Variants in PVT1 observed in about 807,000 individuals in gnomAD.
The protein encoded by PVT1 is CXCR4/PVT1 fusion.
chr8:127,819,383 T>C (rs531067251), intron 2 of PVT1, among the ~76,000 whole-genome samples: 2 of 152,218 alleles, frequency 1.3e-5, no homozygotes, highest in Non-Finnish European at 2.9e-5. Context: ...ACTCTGCATC[T>C]GTATTCAACC....
intron 6 of PVT1, among the ~76,000 whole-genome samples, chr8:128,098,019 G>T (rs770411013): frequency 3.9e-4 from 59 of 152,114 alleles, no homozygotes; most frequent in Non-Finnish European, 8.2e-4. Context: ...TCCCTCTGAG[G>T]CTGGACACAT....
At chr8:127,924,241 T>C (rs1372485574) in intron 3 of PVT1, among the ~76,000 whole-genome samples, 3 of 152,202 alleles carry the variant, frequency 2.0e-5, no homozygotes, top group Non-Finnish European at 4.4e-5. Context: ...AGCAAACTTC[T>C]TCCTTTCTTT....
intron 3 of PVT1, among the ~76,000 whole-genome samples, chr8:127,926,679 A>G (rs1247892045): frequency 1.3e-5 from 2 of 152,044 alleles, no homozygotes; most frequent in Admixed American, 6.5e-5. Context: ...TCCCTGTTAA[A>G]TCACACAGAC....
At chr8:127,923,973 T>A (rs564391003) in intron 3 of PVT1, among the ~76,000 whole-genome samples, 48 of 152,348 alleles carry the variant, frequency 3.2e-4, no homozygotes, top group Admixed American at 1.7e-3. Context: ...GTTTAGGAAT[T>A]GCTCGGGGCA....
chr8:127,885,910 G>A (rs1305623366), intron 2 of PVT1, among the ~76,000 whole-genome samples: 1 of 151,998 alleles, frequency 6.6e-6, no homozygotes, highest in East Asian at 1.9e-4. Flanking sequence ...TCTTCCTCTT[G>A]GGTCTAAAAG....
intron 2 of PVT1, among the ~76,000 whole-genome samples, chr8:127,846,359 G>A (rs1211338908): frequency 3.3e-5 from 5 of 152,150 alleles, no homozygotes; most frequent in South Asian, 2.1e-4. Context: ...CACCTTTCCT[G>A]GTCTCCTCTC....
At chr8:127,923,334 G>T (rs1167340146) in intron 3 of PVT1, among the ~76,000 whole-genome samples, 1 of 152,254 alleles carries the variant, frequency 6.6e-6, no homozygotes, top group Non-Finnish European at 1.5e-5. Flanking sequence ...GTCAGAGCAG[G>T]TTCATGTCAC....
chr8:127,959,652 T>C (rs1279026809), intron 3 of PVT1, among the ~76,000 whole-genome samples: 2 of 146,996 alleles, frequency 1.4e-5, no homozygotes, highest in African/African-American at 5.0e-5. Context: ...TTATTGAAAC[T>C]CTTTAAGGAA....
chr8:128,027,557 C>A (rs2130065047), intron 4 of PVT1, among the ~76,000 whole-genome samples: 1 of 152,318 alleles, frequency 6.6e-6, no homozygotes, highest in South Asian at 2.1e-4. Flanking sequence ...GTCCCAGAGT[C>A]AGTGATGGAA....
At chr8:128,043,374 G>A (rs1042377494) in intron 4 of PVT1, among the ~76,000 whole-genome samples, 2 of 152,222 alleles carry the variant, frequency 1.3e-5, no homozygotes, top group African/African-American at 2.4e-5. Flanking sequence ...CTGGGGGTCA[G>A]GAGGTGAGGG....
intron 5 of PVT1, among the ~76,000 whole-genome samples, chr8:128,074,469 G>A (rs1418330753): frequency 1.3e-5 from 2 of 149,734 alleles, no homozygotes; most frequent in African/African-American, 4.9e-5. Context: ...GTTGCAGTGA[G>A]CCGAGATCAT....
chr8:128,062,883 C>A (rs1813849082), intron 4 of PVT1, among the ~76,000 whole-genome samples: 1 of 152,182 alleles, frequency 6.6e-6, no homozygotes, highest in Non-Finnish European at 1.5e-5. Flanking sequence ...AGCTAGGGAA[C>A]TTTCAGGCAG....
intron 5 of PVT1, among the ~76,000 whole-genome samples, chr8:128,078,275 G>A (rs548451587): frequency 7.9e-5 from 12 of 152,314 alleles, no homozygotes; most frequent in African/African-American, 2.6e-4. Context: ...TTGCTGGGTA[G>A]GCGAGTGAGT....
chr8:127,811,059 TAAG>T lies in PVT1; in HGVS notation n.372+14992_372+14994del, dbSNP rs201872244. Among the ~76,000 whole-genome samples the T allele has an allele frequency of 2.2e-4, 33 of 152,218 alleles. No homozygotes were observed. In the East Asian group the frequency reaches 6.2e-3, roughly 28 times the overall value. On this transcript the variant is annotated intron_variant and non_coding_transcript_variant, in intron 2 of 10. Transcript: ENST00000651587. Reference sequence around the variant, plus strand: ...ACCAGGCGGGCCTGATCAAATACAGTAAGAAGTGTCCGGATTGGCAAACCAGCG... The same window carrying T: ...ACCAGGCGGGCCTGATCAAATACAGTAAGTGTCCGGATTGGCAAACCAGCG...
intron 3 of PVT1, chr8:127,939,923 G>A (rs1224420496): frequency 1.3e-5 from 2 of 152,140 alleles, no homozygotes; most frequent in Non-Finnish European, 2.9e-5. Flanking sequence ...TCTAGTCTGA[G>A]GCATTGGGAT....
chr8:127,819,095 G>T (rs1274919371), intron 2 of PVT1, among the ~76,000 whole-genome samples: 5 of 152,192 alleles, frequency 3.3e-5, no homozygotes, highest in Non-Finnish European at 4.4e-5. Context: ...TCTCTAACTG[G>T]CTGCGAGCCC....
intron 2 of PVT1, among the ~76,000 whole-genome samples, chr8:127,817,544 T>C (rs200188647): frequency 0.065 from 7,695 of 117,784 alleles, 424 homozygotes; most frequent in Middle Eastern, 0.078. Context: ...TATATATATA[T>C]ATACACACAC....
At chr8:128,044,876 C>G (rs1440075748) in intron 4 of PVT1, among the ~76,000 whole-genome samples, 1 of 152,168 alleles carries the variant, frequency 6.6e-6, no homozygotes, top group Non-Finnish European at 1.5e-5. Context: ...GCGGAGTGAG[C>G]CTTATTCATT....
Position 127,958,279 on chromosome 8 carries a change from G to A in PVT1, n.783-30883G>A, listed in dbSNP as rs190623749. ...TTTTGAGACAGAGTCTGGCTGTGTC[G>A]CCCAGGCAGGAGTGCAGTGGCGCGA... On this transcript the variant is annotated intron_variant and non_coding_transcript_variant, in intron 3 of 10. Transcript: ENST00000651587. 4.4e-4 allele frequency among the ~76,000 whole-genome samples: 66 copies of A among 150,384 alleles called. No homozygotes were observed. The East Asian group carries it at 9.2e-3, about 21-fold the overall frequency.
Sources: allele counts gnomAD v4.1 joint callset (sites outside exome capture counted in the v4.1 genomes callset), GRCh38; gene constraint gnomAD v4.1.1; transcripts MANE v1.5; gene names NCBI Gene and HGNC (gene_info 2026-07-23, HGNC 2026-07-21).